FAM81A: variants seen among roughly 807,000 people sequenced by gnomAD.
FAM81A encodes protein FAM81A.
FAM81A carries 19 observed loss-of-function variants against 46.7 expected under a neutral mutation model. The ratio of observed to expected loss-of-function variants is 0.41; its 90% CI spans 0.28 to 0.60. The LOEUF (loss-of-function observed/expected upper bound fraction) is 0.60. Among genes scored for constraint, FAM81A ranks in the 20% least tolerant of loss-of-function variants. FAM81A has a pLI of 0.34. For synonymous variants in FAM81A, 183 were observed against 152.9 expected (o/e 1.20, Z -1.45); for missense variants, 377 against 453.5 (o/e 0.83, Z 1.53).
At chr15:59,511,584 C>T (rs1292859065) in intron 6 of FAM81A, among the ~76,000 whole-genome samples, 1 of 152,152 alleles carries the variant, frequency 6.6e-6, no homozygotes, top group African/African-American at 2.4e-5. Flanking sequence ...TGTTCAGACC[C>T]TAGAGAAATT....
At chr15:59,494,100 G>T (rs936851901) in intron 4 of FAM81A, among the ~76,000 whole-genome samples, 1 of 152,122 alleles carries the variant, frequency 6.6e-6, no homozygotes, top group African/African-American at 2.4e-5. Flanking sequence ...TGCCTGGAAC[G>T]GTCTCTGGAA....
At chr15:59,473,766 C>T (rs1480679030) in intron 3 of FAM81A, among the ~76,000 whole-genome samples, 1 of 152,208 alleles carries the variant, frequency 6.6e-6, no homozygotes, top group African/African-American at 2.4e-5. Flanking sequence ...AGTGTTTTAG[C>T]TGCAACTGTC....
At chr15:59,398,518 GGAGGCCAAGGCAGGTGGATCACTTGA>G (rs1249387547) in intron 1 of FAM81A, among the ~76,000 whole-genome samples, 2 of 152,050 alleles carry the variant, frequency 1.3e-5, no homozygotes, top group Non-Finnish European at 2.9e-5. Context: ...CAGCACTTTG[GGAGGCCAAGGCAGGTGGATCACTTGA>G]GGCTACAAGT....
intron 1 of FAM81A, among the ~76,000 whole-genome samples, chr15:59,441,888 C>T (rs1459910565): frequency 6.6e-5 from 10 of 152,186 alleles, no homozygotes; most frequent in Non-Finnish European, 1.0e-4. Context: ...CCTCTGAGCC[C>T]GCAGTAGTAT....
At chr15:59,488,716 C>G (rs1168204893) in intron 3 of FAM81A, among the ~76,000 whole-genome samples, 1 of 152,206 alleles carries the variant, frequency 6.6e-6, no homozygotes, top group Non-Finnish European at 1.5e-5. Flanking sequence ...GTGGCTCACG[C>G]CTATAATCCC....
chr15:59,475,591 A>C (rs549730749), intron 3 of FAM81A, among the ~76,000 whole-genome samples: 2 of 152,264 alleles, frequency 1.3e-5, no homozygotes, highest in East Asian at 1.9e-4. Context: ...TTATATTTAC[A>C]TGTATTTTTG....
chr15:59,401,095 C>T, intron 1 of FAM81A: 3 of 562,024 alleles, frequency 5.3e-6, no homozygotes, highest in South Asian at 4.4e-5. Context: ...TTAATGTTTG[C>T]AATTTAATAA....
intron 3 of FAM81A, among the ~76,000 whole-genome samples, chr15:59,488,890 G>A (rs1254963846): frequency 2.0e-5 from 3 of 152,148 alleles, no homozygotes; most frequent in South Asian, 2.1e-4. Flanking sequence ...TTGTGCCTTG[G>A]GGGCAGAGGT....
At chr15:59,419,092 A>G (rs10519004) in intron 2 of FAM81A, among the ~76,000 whole-genome samples, 28,351 of 152,224 alleles carry the variant, frequency 0.19, 3,327 homozygotes, top group South Asian at 0.38. Flanking sequence ...GTTGGTTACT[A>G]AAATCATTTC....
intron 4 of FAM81A, among the ~76,000 whole-genome samples, chr15:59,502,956 C>G (rs1428105071): frequency 3.3e-5 from 5 of 151,824 alleles, no homozygotes; most frequent in African/African-American, 1.2e-4. Flanking sequence ...ATTAAATATA[C>G]AAAATAAAAA....
intron 2 of FAM81A, among the ~76,000 whole-genome samples, chr15:59,421,353 A>G (rs1396470852): frequency 6.6e-6 from 1 of 152,194 alleles, no homozygotes; most frequent in Non-Finnish European, 1.5e-5. Context: ...CCTTAAGTCC[A>G]TGATGGCTCT....
At chr15:59,520,667 A>C (rs1282672921) in intron 8 of FAM81A, among the ~76,000 whole-genome samples, 2 of 151,644 alleles carry the variant, frequency 1.3e-5, no homozygotes, top group Non-Finnish European at 2.9e-5. Flanking sequence ...GGGTTCAAGC[A>C]ATTCTCCCTG....
chr15:59,475,481 T>TCATCTTAA (rs2081754983), intron 3 of FAM81A, among the ~76,000 whole-genome samples: 1 of 152,204 alleles, frequency 6.6e-6, no homozygotes, highest in African/African-American at 2.4e-5. Context: ...TTGAAAAATT[T>TCATCTTAA]ACAATGCAGT....
At chr15:59,419,639 C>T (rs1269253863) in intron 2 of FAM81A, among the ~76,000 whole-genome samples, 3 of 152,164 alleles carry the variant, frequency 2.0e-5, no homozygotes, top group Admixed American at 6.5e-5. Flanking sequence ...TTTGGGAGGC[C>T]GAGGCGGGCA....
intron 3 of FAM81A, among the ~76,000 whole-genome samples, chr15:59,489,061 C>T (rs1490431757): frequency 6.6e-6 from 1 of 152,132 alleles, no homozygotes; most frequent in African/African-American, 2.4e-5. Context: ...GTCAGGAGAT[C>T]GAGACCATAC....
At chr15:59,491,177 A>G (rs1409783453) in intron 3 of FAM81A, among the ~76,000 whole-genome samples, 2 of 152,362 alleles carry the variant, frequency 1.3e-5, no homozygotes, top group Middle Eastern at 3.4e-3. Context: ...GTCCATCAAC[A>G]GGCAAATGGA....
chr15:59,417,909 T>A (rs1286459924), intron 2 of FAM81A, among the ~76,000 whole-genome samples: 1 of 152,122 alleles, frequency 6.6e-6, no homozygotes. Flanking sequence ...CTCCTAATGC[T>A]ATCCCTCCTC....
chr15:59,480,778 A>T (rs183311222), intron 3 of FAM81A, among the ~76,000 whole-genome samples: 1 of 152,320 alleles, frequency 6.6e-6, no homozygotes. Flanking sequence ...TTAAAAATAA[A>T]TGCATCATGA....
chr15:59,514,275 T>A lies in FAM81A; in HGVS notation c.651-14T>A. On this transcript the variant is annotated splice_polypyrimidine_tract_variant and intron_variant, in intron 6 of 8. Transcript: ENST00000288228. ...AAACTGTTTTACATCTAACTTGCAA[T>A]TTTTTTTTTTTAGATTTAAAGGTAC... 2.8e-6 allele frequency: 2 copies of A among 704,190 alleles called. No individual in the cohort carries two copies. Among genetic ancestry groups the A allele is most frequent in the Non-Finnish European group, 4.0e-6 (2 of 503,446 alleles). The allele number at this position is 704,190 out of a possible 1,614,324, so 43.6% of individuals were successfully genotyped here. A position where few individuals can be genotyped will look rare whatever the true frequency, so the allele number is the denominator to read the frequency against.
Sources: allele counts gnomAD v4.1 joint callset (sites outside exome capture counted in the v4.1 genomes callset), GRCh38; gene constraint gnomAD v4.1.1; transcripts MANE v1.5; gene names NCBI Gene and HGNC (gene_info 2026-07-23, HGNC 2026-07-21).